Variants in VPS41 observed in about 807,000 individuals in gnomAD.
VPS41 encodes the protein vacuolar protein sorting-associated protein 41 homolog.
A neutral mutation model predicts 130.9 loss-of-function variants in VPS41; 85 were observed. The ratio of observed to expected loss-of-function variants is 0.65; its 90% CI spans 0.55 to 0.78. The LOEUF (loss-of-function observed/expected upper bound fraction) is 0.78. Among genes scored for constraint, VPS41 ranks in the 30% least tolerant of loss-of-function variants. The pLI, the probability that VPS41 is intolerant of heterozygous loss-of-function variation, is 0.00. For missense variants in VPS41, 874 were observed against 1,018.7 expected, an observed-to-expected ratio of 0.86 and a Z score of 1.93; for synonymous variants, 335 against 332.9, an observed-to-expected ratio of 1.01 and a Z score of -0.07.
intron 2 of VPS41, among the ~76,000 whole-genome samples, chr7:38,883,626 T>C (rs189728519): frequency 2.1e-3 from 311 of 151,036 alleles, no homozygotes; most frequent in African/African-American, 7.4e-3. Flanking sequence ...GCATCTAGGA[T>C]ATAAAAGTCA....
intron 22 of VPS41, 51 bp from the exon 23 acceptor site, chr7:38,745,664 A>G: frequency 3.7e-6 from 5 of 1,347,796 alleles, no homozygotes; most frequent in Non-Finnish European, 5.2e-6. Flanking sequence ...AAATAAGAAC[A>G]AACAGTAATA....
intron 10 of VPS41, among the ~76,000 whole-genome samples, chr7:38,779,371 C>A (rs1028086393): frequency 3.3e-5 from 5 of 152,118 alleles, no homozygotes; most frequent in Non-Finnish European, 7.4e-5. Context: ...CAACAAAAAT[C>A]TCTTATAGAA....
intron 1 of VPS41, among the ~76,000 whole-genome samples, chr7:38,905,888 G>A (rs1311578278): frequency 6.6e-6 from 1 of 152,024 alleles, no homozygotes; most frequent in Non-Finnish European, 1.5e-5. Flanking sequence ...CTGCCTCCTG[G>A]GTTCAAGTGA....
intron 7 of VPS41, among the ~76,000 whole-genome samples, chr7:38,797,957 C>G (rs1391441377): frequency 1.3e-5 from 2 of 152,180 alleles, no homozygotes; most frequent in Non-Finnish European, 2.9e-5. Flanking sequence ...AGTTGTGTGA[C>G]TTCACAACTT....
At chr7:38,758,660 C>A (rs767201701) in intron 17 of VPS41, among the ~76,000 whole-genome samples, 179 bp from the exon 18 acceptor site, 5 of 152,050 alleles carry the variant, frequency 3.3e-5, no homozygotes, top group Non-Finnish European at 5.9e-5. Flanking sequence ...GCTAGCAGCC[C>A]CTAGGTAACT....
chr7:38,754,803 GCTACAA>G (rs1783756380), intron 20 of VPS41, 51 bp from the exon 21 acceptor site: 3 of 1,588,310 alleles, frequency 1.9e-6, no homozygotes, highest in Non-Finnish European at 2.6e-6. Context: ...CAGAAAGACA[GCTACAA>G]AATTATCTGA....
At chr7:38,741,801 G>A (rs540411408) in intron 25 of VPS41, among the ~76,000 whole-genome samples, 184 bp downstream of exon 25, 17 of 152,230 alleles carry the variant, frequency 1.1e-4, no homozygotes, top group Admixed American at 6.5e-4. Context: ...ACTGGACAAC[G>A]CAATTTTAAA....
At chr7:38,896,122 A>G (rs1033600150) in intron 2 of VPS41, among the ~76,000 whole-genome samples, 7 of 152,186 alleles carry the variant, frequency 4.6e-5, no homozygotes, top group African/African-American at 1.4e-4. Context: ...TGAGCTGTTT[A>G]GTATTTGGAG....
chr7:38,867,837 G>A (rs1391211549), intron 3 of VPS41, among the ~76,000 whole-genome samples: 1 of 152,194 alleles, frequency 6.6e-6, no homozygotes, highest in Non-Finnish European at 1.5e-5. Context: ...CACTAATTCA[G>A]GGTTGAGAGT....
In VPS41 at chr7:38,763,747, C is replaced by T. The variant is rs548202765; in HGVS notation, c.1330-200G>A. 2.2e-4 allele frequency among the ~76,000 whole-genome samples: 33 copies of T among 152,186 alleles called. No individual in the cohort carries two copies. In the South Asian group the frequency reaches 6.8e-3, roughly 32 times the overall value. ...TATAATATATTTTCAAAAGTATATA[C>T]ATGTATGAATGAATTTAAAAATTGC... is the stretch of plus-strand genomic sequence containing the variant. On this transcript the variant is annotated intron_variant, in intron 16 of 28. Transcript: ENST00000310301.
chr7:38,843,076 G>A (rs1785641484), intron 4 of VPS41, among the ~76,000 whole-genome samples: 1 of 152,060 alleles, frequency 6.6e-6, no homozygotes, highest in Non-Finnish European at 1.5e-5. Context: ...GACAACTAAA[G>A]AGCAGAATAA....
At chr7:38,843,650 C>A (rs1363635063) in intron 4 of VPS41, among the ~76,000 whole-genome samples, 1 of 151,682 alleles carries the variant, frequency 6.6e-6, no homozygotes, top group Non-Finnish European at 1.5e-5. Flanking sequence ...CCACTGCAGT[C>A]CGGCCTGGGT....
intron 10 of VPS41, among the ~76,000 whole-genome samples, chr7:38,783,486 A>C (rs148205128): frequency 0.014 from 2,068 of 152,264 alleles, 64 homozygotes; most frequent in African/African-American, 0.046. Context: ...GTGAGCCGAG[A>C]TTGTGCCACT....
intron 4 of VPS41, among the ~76,000 whole-genome samples, chr7:38,861,747 T>C (rs1253674801): frequency 6.6e-6 from 1 of 152,174 alleles, no homozygotes; most frequent in Non-Finnish European, 1.5e-5. Flanking sequence ...TACCAAGTGG[T>C]TGTGTCATAT....
chr7:38,804,637 G>A (rs1195607209), intron 7 of VPS41, among the ~76,000 whole-genome samples: 4 of 152,204 alleles, frequency 2.6e-5, no homozygotes, highest in Non-Finnish European at 1.5e-5. Flanking sequence ...GTGCCATTTA[G>A]GAGCAGCTTT....
chr7:38,903,539 C>T (rs1426428496), intron 1 of VPS41, among the ~76,000 whole-genome samples: 1 of 152,178 alleles, frequency 6.6e-6, no homozygotes, highest in African/African-American at 2.4e-5. Context: ...AGAGACCAGG[C>T]TCCAAGAAAT....
At chr7:38,808,770 C>T (rs1331654299) in intron 7 of VPS41, among the ~76,000 whole-genome samples, 1 of 152,176 alleles carries the variant, frequency 6.6e-6, no homozygotes, top group Admixed American at 6.5e-5. Context: ...CAAAACCCTT[C>T]TAGCCACCAA....
intron 2 of VPS41, among the ~76,000 whole-genome samples, chr7:38,895,909 G>A (rs983880293): frequency 3.9e-5 from 6 of 152,118 alleles, no homozygotes; most frequent in Admixed American, 3.3e-4. Context: ...ATTTTTATGT[G>A]CATTCTGCCT....
intron 22 of VPS41, among the ~76,000 whole-genome samples, chr7:38,746,900 A>C (rs1795995290): frequency 6.6e-6 from 1 of 152,110 alleles, no homozygotes; most frequent in Admixed American, 6.5e-5. Flanking sequence ...GGTCAAGGTC[A>C]CCCAAGGTGG....
Sources: allele counts gnomAD v4.1 joint callset (sites outside exome capture counted in the v4.1 genomes callset), GRCh38; gene constraint gnomAD v4.1.1; transcripts MANE v1.5; gene names NCBI Gene and HGNC (gene_info 2026-07-23, HGNC 2026-07-21).